PDE6B: variants seen among roughly 807,000 people sequenced by gnomAD.
The protein encoded by PDE6B is rod cGMP-specific 3',5'-cyclic phosphodiesterase subunit beta.
A neutral mutation model predicts 109.0 loss-of-function variants in PDE6B; 106 were observed. That is an observed-to-expected ratio of 0.97 (90% confidence interval 0.83 to 1.14). PDE6B has a LOEUF of 1.14. Among genes scored for constraint, PDE6B ranks in the 50% most tolerant of loss-of-function variants. PDE6B has a pLI of 0.00. For missense variants in PDE6B, 1,193 were observed against 1,155.6 expected (o/e 1.03, Z -0.47); for synonymous variants, 490 against 471.3 (o/e 1.04, Z -0.51).
intron 5 of PDE6B, 119 bp from the exon 6 acceptor site, chr4:654,705 A>G: frequency 1.3e-6 from 1 of 782,944 alleles, no homozygotes; most frequent in Non-Finnish European, 2.4e-6. Flanking sequence ...ATGCACGGTT[A>G]CGTGTGTGGG....
chr4:634,586 G>GC, intron 1 of PDE6B, 91 bp from the exon 2 acceptor site: 1 of 1,064,842 alleles, frequency 9.4e-7, no homozygotes, highest in Non-Finnish European at 1.5e-6. Flanking sequence ...GAGGGCAGCA[G>GC]CCCCCACAGA....
At position 663,143 on chromosome 4, in the gene PDE6B, G is replaced by A. The variant is rs758052437; in HGVS notation, c.1876G>A (p.Glu626Lys). 6.2e-7 allele frequency: 1 copy of A among 1,612,660 alleles called. No homozygotes were observed. The highest frequency in any genetic ancestry group is 1.7e-5 in the Admixed American group (1 of 60,018). Reference protein sequence around the residue: ...LAKLHGSSILERHHLEFGKFL... With the variant: ...LAKLHGSSILKRHHLEFGKFL... ...TAAGCTCCACGGCTCCTCGATTTTG[G>A]AGCGGCACCACCTGGAGTTTGGGAA... The change falls in exon 15 of 22, where the codon GAG becomes AAG. Residue 626 changes from glutamate to lysine, a missense_variant. Transcript: ENST00000496514. The surrounding 1 kb of genome is among the most constrained non-coding windows in gnomAD (Gnocchi z 4.0).
At position 663,532 on chromosome 4, in the gene PDE6B, C is replaced by T. The variant is rs905747885; in HGVS notation, c.1921-238C>T. ...GACACTCAGTGGACCCCTCCCTGCG[C>T]TCCCCGGTGGTGACCTCTGAGGCCA... On this transcript the variant is annotated intron_variant, in intron 15 of 21. Coordinates refer to ENST00000496514, the MANE Select transcript of PDE6B (RefSeq NM_000283.4). This position sits in a 1 kb window ranked among gnomAD's most constrained non-coding sequence, Gnocchi z 4.0. 1.3e-5 allele frequency among the ~76,000 whole-genome samples: 2 copies of T among 152,166 alleles called. No homozygotes were observed. The highest frequency in any genetic ancestry group is 4.8e-5 in the African/African-American group (2 of 41,462).
chr4:632,225 G>A lies in PDE6B; in HGVS notation c.469-2452G>A, dbSNP rs548351108. Reference sequence around the variant, plus strand: ...GTGTCACGTTATGTGAATCCATGTGGTATCAGCTGAGAGTCATGCTGTGTG... The same window carrying A: ...GTGTCACGTTATGTGAATCCATGTGATATCAGCTGAGAGTCATGCTGTGTG... On this transcript the variant is annotated intron_variant, in intron 1 of 21. Transcript: ENST00000496514. Among the ~76,000 whole-genome samples the A allele has an allele frequency of 2.6e-5, 4 of 151,748 alleles. No homozygotes were observed. The South Asian group carries it at 6.3e-4, about 24-fold the overall frequency.
At chr4:641,569 GC>G (rs1024444010) in intron 3 of PDE6B, among the ~76,000 whole-genome samples, 7 of 152,342 alleles carry the variant, frequency 4.6e-5, no homozygotes, top group Admixed American at 3.9e-4. Context: ...GGCCACCTAG[GC>G]GTCCCAGCTC....
intron 11 of PDE6B, among the ~76,000 whole-genome samples, chr4:659,473 G>A (rs1233940355): frequency 5.3e-5 from 8 of 152,096 alleles, no homozygotes; most frequent in Admixed American, 3.3e-4. Flanking sequence ...GTGTGCACAT[G>A]TGGGTGTCTG....
chr4:670,288 G>A lies in PDE6B; in HGVS notation c.*181G>A, dbSNP rs1470285549. ...GATGGAGTCTTGCTCTGTCACCCAG[G>A]CTGGAGTGCCGTGGCACGATCTCAG... On this transcript the variant is annotated 3_prime_UTR_variant, in exon 22 of 22. Coordinates refer to ENST00000496514, the MANE Select transcript of PDE6B (RefSeq NM_000283.4). 2.3e-6 allele frequency: 2 copies of A among 860,214 alleles called. No homozygotes were observed. Among genetic ancestry groups the A allele is most frequent in the African/African-American group, 3.6e-5 (2 of 55,916 alleles). The allele number at this position is 860,214 out of a possible 1,614,324, so 53.3% of individuals were successfully genotyped here. A position where few individuals can be genotyped will look rare whatever the true frequency, so the allele number is the denominator to read the frequency against.
Position 665,437 on chromosome 4 carries a change from G to A in PDE6B, c.2268+108G>A. ...TTGGTCTCAGGCAGGGGGTTCTGAGGTCGTGGGGTCCTTATCTCACTTTGT... is the reference window on the plus strand; with the variant it reads ...TTGGTCTCAGGCAGGGGGTTCTGAGATCGTGGGGTCCTTATCTCACTTTGT... On this transcript the variant is annotated intron_variant, in intron 19 of 21. Transcript: ENST00000496514. The surrounding 1 kb of genome is among the most constrained non-coding windows in gnomAD (Gnocchi z 4.0). The A allele has an allele frequency of 1.3e-6, 1 of 761,900 alleles. No homozygotes were observed. Among genetic ancestry groups the A allele is most frequent in the Non-Finnish European group, 2.4e-6 (1 of 424,426 alleles). 47.2% of individuals were successfully genotyped at this position (761,900 alleles called of 1,614,324 possible). A position where few individuals can be genotyped will look rare whatever the true frequency, so the allele number is the denominator to read the frequency against.
At chr4:658,367 T>A (rs1577286783) in intron 10 of PDE6B, among the ~76,000 whole-genome samples, 1 of 129,292 alleles carries the variant, frequency 7.7e-6, no homozygotes, top group African/African-American at 3.0e-5. Context: ...CACCCAGGGG[T>A]CACAGGTGTG....
intron 3 of PDE6B, among the ~76,000 whole-genome samples, chr4:639,951 T>A (rs1734869255): frequency 6.6e-6 from 1 of 151,724 alleles, no homozygotes; most frequent in African/African-American, 2.4e-5. Flanking sequence ...TGAGCCGAGA[T>A]CACCCCACTG....
chr4:658,063 G>C (rs181933471), intron 10 of PDE6B, among the ~76,000 whole-genome samples: 1 of 94,860 alleles, frequency 1.1e-5, no homozygotes, highest in Non-Finnish European at 2.1e-5. Context: ...GGGGCAGGTC[G>C]TCCAGGGGTC....
chr4:642,751 G>C (rs1169026115), intron 3 of PDE6B, among the ~76,000 whole-genome samples: 5 of 98,996 alleles, frequency 5.1e-5, no homozygotes, highest in African/African-American at 2.1e-4. Context: ...AAAAAAAAAA[G>C]AATGCCCTTA....
intron 3 of PDE6B, among the ~76,000 whole-genome samples, chr4:642,969 AT>A (rs1313994968): frequency 6.6e-6 from 1 of 152,012 alleles, no homozygotes. Context: ...TGTAATTATT[AT>A]TTTCATACAT....
chr4:657,160 G>A (rs1437954024), intron 9 of PDE6B, 137 bp downstream of exon 9: 9 of 1,171,548 alleles, frequency 7.7e-6, no homozygotes, highest in Non-Finnish European at 1.0e-5. Flanking sequence ...CGGCCAGGGA[G>A]AGGACGACAA....
intron 3 of PDE6B, among the ~76,000 whole-genome samples, chr4:646,692 G>A (rs1735220191): frequency 1.3e-5 from 2 of 151,940 alleles, no homozygotes; most frequent in African/African-American, 2.4e-5. Context: ...TCAGACACGC[G>A]CAGCCTCCGG....
chr4:644,351 C>T (rs1577255692), intron 3 of PDE6B, among the ~76,000 whole-genome samples: 1 of 151,864 alleles, frequency 6.6e-6, no homozygotes, highest in South Asian at 2.1e-4. Context: ...GGTATAAGAA[C>T]ATATTTTTCA....
At chr4:653,773 G>GT (rs1735825553) in intron 3 of PDE6B, 79 bp from the exon 4 acceptor site, 2 of 1,519,304 alleles carry the variant, frequency 1.3e-6, no homozygotes, top group Admixed American at 3.3e-5. Flanking sequence ...TCAGGCTTGA[G>GT]TTAAACCCCT....
chr4:638,886 T>C (rs1734816046), intron 3 of PDE6B, among the ~76,000 whole-genome samples: 1 of 152,152 alleles, frequency 6.6e-6, no homozygotes, highest in African/African-American at 2.4e-5. Flanking sequence ...AACTTGTTCA[T>C]ATTGGCAGGT....
At chr4:638,600 A>G (rs535715241) in intron 3 of PDE6B, among the ~76,000 whole-genome samples, 3 of 152,124 alleles carry the variant, frequency 2.0e-5, no homozygotes, top group Non-Finnish European at 4.4e-5. Flanking sequence ...TGTGATTACA[A>G]GTGTAAGCCA....
Sources: allele counts gnomAD v4.1 joint callset (sites outside exome capture counted in the v4.1 genomes callset), GRCh38; gene constraint gnomAD v4.1.1; non-coding constraint Gnocchi (gnomAD v3.1); transcripts MANE v1.5; gene names NCBI Gene and HGNC (gene_info 2026-07-23, HGNC 2026-07-21).